The following SLC7A10 variants were observed in gnomAD, a reference collection of about 807,000 sequenced individuals.
The protein encoded by SLC7A10 is solute carrier family 7 member 10.
A neutral mutation model predicts 52.7 loss-of-function variants in SLC7A10; 30 were observed. That is an observed-to-expected ratio of 0.57 (90% CI 0.43 to 0.77). SLC7A10 has a LOEUF of 0.77. Among genes scored for constraint, SLC7A10 ranks in the 30% least tolerant of loss-of-function variants. The pLI is 0.00. For synonymous variants in SLC7A10, 318 were observed against 314.9 expected (o/e 1.01, Z -0.10); for missense variants, 581 against 698.5 (o/e 0.83, Z 1.90).
chr19:33,225,600 G>T lies in SLC7A10; in HGVS notation c.104C>A (p.Ala35Glu). 1.9e-6 allele frequency: 3 copies of T among 1,595,516 alleles called. No homozygotes were observed. Among genetic ancestry groups the T allele is most frequent in the Non-Finnish European group, 2.5e-6 (3 of 1,179,054 alleles). The change falls in exon 1 of 11, where the codon GCG becomes GAG. Residue 35 changes from alanine to glutamate, a missense_variant. By Grantham distance (107) the Ala-to-Glu change is moderately radical. Transcript: ENST00000253188. ...GTVPGASERVALKKEIGLLSA... is the reference protein window; with the variant it reads ...GTVPGASERVELKKEIGLLSA... ...CAGCAGCCCGATCTCCTTCTTGAGC[G>T]CCACCCGCTCCGAGGCGCCGGGGAC... is the stretch of plus-strand genomic sequence containing the variant.
At chr19:33,214,139 C>T (rs1202137243) in intron 2 of SLC7A10, among the ~76,000 whole-genome samples, 1 of 152,182 alleles carries the variant, frequency 6.6e-6, no homozygotes, top group Non-Finnish European at 1.5e-5. Context: ...ACGTCCTCTC[C>T]AGGCCCGAAG....
At position 33,225,734 on chromosome 19, in the gene SLC7A10, C is replaced by A. The variant is rs771298987; in HGVS notation, c.-31G>T. On this transcript the variant is annotated 5_prime_UTR_variant, in exon 1 of 11. Transcript: ENST00000253188. ...TGTCCCGCCGCGTCCCCGCTCCCTG[C>A]GCTGCCCCGTCTGTCCGGCCGGCCG... 5.4e-6 allele frequency: 8 copies of A among 1,477,928 alleles called. No homozygotes were observed. Among genetic ancestry groups the A allele is most frequent in the Non-Finnish European group, 7.1e-6 (8 of 1,122,646 alleles). 91.6% of individuals were successfully genotyped at this position (1,477,928 alleles called of 1,614,324 possible).
intron 1 of SLC7A10, among the ~76,000 whole-genome samples, chr19:33,218,671 T>TTTCTTTCTCTCTC (rs369226143): frequency 2.6e-5 from 2 of 78,254 alleles, no homozygotes; most frequent in East Asian, 3.1e-4. Context: ...ATTTCTTTCT[T>TTTCTTTCTCTCTC]TCTTTCTTTC....
chr19:33,225,719 C>G lies in SLC7A10; in HGVS notation c.-16G>C. 6.6e-7 allele frequency: 1 copy of G among 1,504,132 alleles called. No individual in the cohort carries two copies. Among genetic ancestry groups the G allele is most frequent in the Non-Finnish European group, 8.8e-7 (1 of 1,134,772 alleles). The allele number at this position is 1,504,132 out of a possible 1,614,324, so 93.2% of individuals were successfully genotyped here. On this transcript the variant is annotated 5_prime_UTR_variant, in exon 1 of 11. Transcript: ENST00000253188. Reference sequence around the variant, plus strand: ...GGCCGGCCATGTCGCTGTCCCGCCGCGTCCCCGCTCCCTGCGCTGCCCCGT... The same window carrying G: ...GGCCGGCCATGTCGCTGTCCCGCCGGGTCCCCGCTCCCTGCGCTGCCCCGT...
At chr19:33,211,195 C>G (rs778162171) in intron 7 of SLC7A10, 30 bp downstream of exon 7, 2 of 1,603,118 alleles carry the variant, frequency 1.2e-6, no homozygotes, top group Non-Finnish European at 1.7e-6. Flanking sequence ...GCCTTCCCTC[C>G]CCATGCCCAC....
chr19:33,217,450 G>A (rs982816613), intron 1 of SLC7A10, among the ~76,000 whole-genome samples: 1 of 152,150 alleles, frequency 6.6e-6, no homozygotes, highest in Admixed American at 6.5e-5. Context: ...GGGTTATATG[G>A]GTCTCACCAT....
chr19:33,215,884 G>C lies in SLC7A10; in HGVS notation c.241C>G (p.Leu81Val), dbSNP rs755662495. ...CCCAGAGCCGTCACGCCCCCACCCA[G>C]GACCCAGACGAACAGGGCCAGACCC... ...SVGLALFVWVLGGGVTALGSL... is the reference protein window; with the variant it reads ...SVGLALFVWVVGGGVTALGSL... Residue 81 changes from leucine (L) to valine (V), a missense_variant, in exon 2 of 11, where the codon CTG becomes GTG. Transcript: ENST00000253188. 29 of 1,610,460 alleles carry C rather than the reference G, an allele frequency of 1.8e-5. No individual in the cohort carries two copies. Among genetic ancestry groups the C allele is most frequent in the Non-Finnish European group, 2.4e-5 (28 of 1,178,760 alleles).
At position 33,209,059 on chromosome 19, in the gene SLC7A10, C is replaced by T. The variant is rs1216378328; in HGVS notation, c.1442-38G>A. ...AGATGGACCTTGGGGCCTGACCTCTCGGGATAGGGGTGACCCCCAGCTCCG... is the reference window on the plus strand; with the variant it reads ...AGATGGACCTTGGGGCCTGACCTCTTGGGATAGGGGTGACCCCCAGCTCCG... On this transcript the variant is annotated intron_variant, in intron 10 of 10. Transcript: ENST00000253188. 9.9e-6 allele frequency: 16 copies of T among 1,611,606 alleles called. No homozygotes were observed. In the Middle Eastern group the frequency reaches 5.7e-4, roughly 57 times the overall value.
At position 33,210,435 on chromosome 19, in the gene SLC7A10, C is replaced by T; in HGVS notation, c.1263+32G>A. 2 of 1,554,958 alleles carry T rather than the reference C, an allele frequency of 1.3e-6. No homozygotes were observed. Among genetic ancestry groups the T allele is most frequent in the Non-Finnish European group, 1.7e-6 (2 of 1,157,096 alleles). The stretch of plus-strand genomic sequence containing the variant: ...GATGCAGGGGTGGCTCTGGCAGCAC[C>T]CGGCACAGGGCCAGCTGTCCCAGGG... On this transcript the variant is annotated intron_variant, in intron 9 of 10. Coordinates refer to ENST00000253188, the MANE Select transcript of SLC7A10 (RefSeq NM_019849.3). This position sits in a 1 kb window ranked among gnomAD's most constrained non-coding sequence, Gnocchi z 5.6.
intron 1 of SLC7A10, among the ~76,000 whole-genome samples, chr19:33,222,439 AT>A (rs1159093489): frequency 5.9e-5 from 5 of 84,498 alleles, no homozygotes; most frequent in African/African-American, 9.7e-5. Flanking sequence ...ATAAAATAAA[AT>A]AAAATAAATA....
At chr19:33,215,014 C>G (rs1283160250) in intron 2 of SLC7A10, among the ~76,000 whole-genome samples, 4 of 152,172 alleles carry the variant, frequency 2.6e-5, no homozygotes, top group Non-Finnish European at 5.9e-5. Context: ...CTCCTGTAAT[C>G]CTAGCACTTG....
chr19:33,214,913 C>T (rs114876592), intron 2 of SLC7A10, among the ~76,000 whole-genome samples: 18 of 152,134 alleles, frequency 1.2e-4, no homozygotes, highest in Admixed American at 5.9e-4. Context: ...CCCAGGCTCA[C>T]GGTAGGTGCT....
chr19:33,216,276 C>T (rs1038855353), intron 1 of SLC7A10, among the ~76,000 whole-genome samples: 1 of 152,216 alleles, frequency 6.6e-6, no homozygotes, highest in Non-Finnish European at 1.5e-5. Flanking sequence ...CCATTGCCCC[C>T]GTGAGGCGGG....
Position 33,212,358 on chromosome 19 carries a change from C to G in SLC7A10, c.722G>C (p.Gly241Ala). 6.2e-7 allele frequency: 1 copy of G among 1,613,764 alleles called. No individual in the cohort carries two copies. Among genetic ancestry groups the G allele is most frequent in the Non-Finnish European group, 8.5e-7 (1 of 1,180,008 alleles). ...VGHLALAFLQ[G>A]SFAFSGWNFL... ...GTTCCAGCCACTGAAGGCGAAGGAG[C>G]CCTGGAGGAAGGCCAGGGCCAGGTG... is the stretch of plus-strand genomic sequence containing the variant. Residue 241 changes from glycine (G) to alanine (A), a missense_variant, in exon 5 of 11, where the codon GGC (glycine) becomes GCC (alanine). Coordinates refer to ENST00000253188, the MANE Select transcript of SLC7A10 (RefSeq NM_019849.3).
At chr19:33,212,710 C>T in intron 3 of SLC7A10, 71 bp from the exon 4 acceptor site, 1 of 1,611,784 alleles carries the variant, frequency 6.2e-7, no homozygotes. Flanking sequence ...AAGTCCAGCC[C>T]AGGCGGCCCG....
At chr19:33,211,606 G>A (rs982517994) in intron 5 of SLC7A10, 69 bp from the exon 6 acceptor site, 12 of 1,611,274 alleles carry the variant, frequency 7.4e-6, no homozygotes, top group South Asian at 2.2e-5. Flanking sequence ...ACCCAGCCAC[G>A]AGAGCAGCTC....
intron 1 of SLC7A10, 135 bp from the exon 2 acceptor site, chr19:33,216,108 G>A (rs1974676859): frequency 2.6e-6 from 2 of 778,178 alleles, no homozygotes; most frequent in Admixed American, 2.9e-5. Context: ...CAGGAGGTGG[G>A]CTGGAGGTGT....
Position 33,212,893 on chromosome 19 carries a change from G to T in SLC7A10, c.466C>A (p.Pro156Thr), listed in dbSNP as rs1400181069. Reference sequence around the variant, plus strand: ...AGCACCCGGGAGGCTGTGGTGGGGGGGATGCAGTTGGGGAACACGGGCTGC... The same window carrying T: ...AGCACCCGGGAGGCTGTGGTGGGGGTGATGCAGTTGGGGAACACGGGCTGC... Reference protein sequence around the residue: ...VLQPVFPNCIPPTTASRVLSM... With the variant: ...VLQPVFPNCITPTTASRVLSM... The change falls in exon 3 of 11, where the codon CCC (proline) becomes ACC (threonine). Residue 156 changes from proline (P) to threonine (T), a missense_variant. Transcript: ENST00000253188. 1 of 1,614,058 alleles carries T rather than the reference G, an allele frequency of 6.2e-7. No homozygotes were observed. Among genetic ancestry groups the T allele is most frequent in the Non-Finnish European group, 8.5e-7 (1 of 1,180,018 alleles).
At chr19:33,211,044 C>T (rs1274142278) in intron 7 of SLC7A10, 146 bp from the exon 8 acceptor site, 1 of 982,604 alleles carries the variant, frequency 1.0e-6, no homozygotes, top group Non-Finnish European at 1.6e-6. Context: ...AGCCTGCCTG[C>T]CTCTTGCTTT....
Sources: allele counts gnomAD v4.1 joint callset (sites outside exome capture counted in the v4.1 genomes callset), GRCh38; gene constraint gnomAD v4.1.1; non-coding constraint Gnocchi (gnomAD v3.1); transcripts MANE v1.5; gene names NCBI Gene and HGNC (gene_info 2026-07-23, HGNC 2026-07-21).